The following RAD54L2 variants were observed in gnomAD, a reference collection of about 807,000 sequenced individuals.
RAD54L2 encodes the protein helicase ARIP4.
Under a neutral mutation model 138.4 loss-of-function variants are expected in RAD54L2, and 27 were observed. The ratio of observed to expected loss-of-function variants is 0.20; its 90% CI spans 0.14 to 0.27. The LOEUF (loss-of-function observed/expected upper bound fraction) is 0.27. Among genes scored for constraint, RAD54L2 ranks in the 10% least tolerant of loss-of-function variants. RAD54L2 has a pLI of 1.00. For synonymous variants in RAD54L2, 644 were observed against 723.2 expected (o/e 0.89, Z 1.76); for missense variants, 1,396 against 1,890.2 (o/e 0.74, Z 4.85).
intron 2 of RAD54L2, among the ~76,000 whole-genome samples, chr3:51,553,537 T>C (rs1577383997): frequency 6.6e-6 from 1 of 152,228 alleles, no homozygotes; most frequent in South Asian, 2.1e-4. Flanking sequence ...ATAAAAGTTA[T>C]GTGTACAGGC....
chr3:51,652,815 T>C (rs543906288), intron 19 of RAD54L2, among the ~76,000 whole-genome samples: 32 of 152,058 alleles, frequency 2.1e-4, no homozygotes, highest in Non-Finnish European at 2.8e-4. Context: ...AGACCTAAAA[T>C]CATAAAAACC....
intron 19 of RAD54L2, among the ~76,000 whole-genome samples, chr3:51,649,141 G>A (rs995027136): frequency 3.9e-5 from 6 of 151,964 alleles, no homozygotes; most frequent in Non-Finnish European, 7.4e-5. Flanking sequence ...CATGGCACGA[G>A]AACTACATGA....
chr3:51,635,306 C>T (rs1700958734), intron 9 of RAD54L2, among the ~76,000 whole-genome samples: 1 of 152,162 alleles, frequency 6.6e-6, no homozygotes, highest in Non-Finnish European at 1.5e-5. Context: ...AGGGGGTTGT[C>T]ATTTTCTCTT....
At chr3:51,544,353 G>C (rs1698632527) in intron 2 of RAD54L2, among the ~76,000 whole-genome samples, 1 of 152,226 alleles carries the variant, frequency 6.6e-6, no homozygotes, top group Admixed American at 6.6e-5. Context: ...TTTGTTGTGA[G>C]AATGTGTTGC....
At chr3:51,553,038 A>G (rs955054577) in intron 2 of RAD54L2, among the ~76,000 whole-genome samples, 1 of 151,854 alleles carries the variant, frequency 6.6e-6, no homozygotes, top group African/African-American at 2.4e-5. Context: ...ATTTGTGAGA[A>G]TTTTTTGACT....
Position 51,659,928 on chromosome 3 carries a change from A to G in RAD54L2, c.3317-98A>G, listed in dbSNP as rs535919923. The G allele has an allele frequency of 2.1e-5, 16 of 778,490 alleles. No individual in the cohort carries two copies. In the African/African-American group the frequency reaches 2.6e-4, roughly 13 times the overall value. The allele number at this position is 778,490 out of a possible 1,614,324, so 48.2% of individuals were successfully genotyped here. On this transcript the variant is annotated intron_variant, in intron 21 of 22. Transcript: ENST00000684192. Reference sequence around the variant, plus strand: ...CTTGGGAGATGGTATACCTAATTGTATAGCTATTTACAAGCCCACGGCGCA... The same window carrying G: ...CTTGGGAGATGGTATACCTAATTGTGTAGCTATTTACAAGCCCACGGCGCA...
intron 2 of RAD54L2, among the ~76,000 whole-genome samples, chr3:51,559,883 T>C (rs1008441355): frequency 1.3e-5 from 2 of 152,236 alleles, no homozygotes; most frequent in African/African-American, 4.8e-5. Context: ...CCAAATGGGC[T>C]ACAGATATGA....
chr3:51,553,032 G>A (rs534686659), intron 2 of RAD54L2, among the ~76,000 whole-genome samples: 61 of 152,140 alleles, frequency 4.0e-4, no homozygotes, highest in African/African-American at 1.4e-3. Flanking sequence ...TTGTTGATTT[G>A]TGAGAATTTT....
chr3:51,651,730 T>C (rs953572306), intron 19 of RAD54L2, among the ~76,000 whole-genome samples: 3 of 152,164 alleles, frequency 2.0e-5, no homozygotes, highest in African/African-American at 7.2e-5. Context: ...TCGACAAAAT[T>C]CAACAGCCCC....
intron 3 of RAD54L2, among the ~76,000 whole-genome samples, chr3:51,614,907 A>C (rs1700410997): frequency 6.6e-6 from 1 of 152,014 alleles, no homozygotes; most frequent in Non-Finnish European, 1.5e-5. Flanking sequence ...CAGGGTGTAA[A>C]TATGATGAGG....
In RAD54L2 at chr3:51,663,520, G is replaced by C. The variant is rs1230359570; in HGVS notation, c.*100G>C. 7.5e-7 allele frequency: 1 copy of C among 1,335,982 alleles called. No individual in the cohort carries two copies. Among genetic ancestry groups the C allele is most frequent in the African/African-American group, 1.5e-5 (1 of 67,704 alleles). 82.8% of individuals were successfully genotyped at this position (1,335,982 alleles called of 1,614,324 possible). A position where few individuals can be genotyped will look rare whatever the true frequency, so the allele number is the denominator to read the frequency against. ...CTTTTGAGAATAGGACACTTGGCAGGAGGGAAAAGGAAGAGGACAAAGGAG... is the reference window on the plus strand; with the variant it reads ...CTTTTGAGAATAGGACACTTGGCAGCAGGGAAAAGGAAGAGGACAAAGGAG... On this transcript the variant is annotated 3_prime_UTR_variant, in exon 23 of 23. Transcript: ENST00000684192.
At chr3:51,543,259 G>T (rs1437169538) in intron 2 of RAD54L2, among the ~76,000 whole-genome samples, 2 of 151,924 alleles carry the variant, frequency 1.3e-5, no homozygotes, top group Admixed American at 6.6e-5. Context: ...CTAATTTCTT[G>T]CAGTCTTGCT....
intron 2 of RAD54L2, among the ~76,000 whole-genome samples, chr3:51,588,532 C>T (rs1422371401): frequency 1.0e-5 from 1 of 96,682 alleles, no homozygotes; most frequent in Non-Finnish European, 1.9e-5. Flanking sequence ...GAAACTGCAT[C>T]TCAAAAAAAA....
At chr3:51,643,996 A>C in intron 16 of RAD54L2, 22 bp downstream of exon 16, 1 of 1,559,738 alleles carries the variant, frequency 6.4e-7, no homozygotes, top group Non-Finnish European at 8.7e-7. Flanking sequence ...CCAAGAGGGG[A>C]GGTCAAAGGA....
rs1317953639 is a variant in RAD54L2 at position 51,668,353 on chromosome 3, C to G, written c.*4933C>G. On this transcript the variant is annotated 3_prime_UTR_variant, in exon 23 of 23. Transcript: ENST00000684192. ...TAATGAGGTGGCCCCAGGGTCCTGG[C>G]ACCTGGCTTTGGTTTTCCGTCTTCT... is the stretch of plus-strand genomic sequence containing the variant. 1.3e-5 allele frequency: 2 copies of G among 152,218 alleles called. No individual in the cohort carries two copies. The highest frequency in any genetic ancestry group is 4.8e-5 in the African/African-American group (2 of 41,424). 9.4% of individuals were successfully genotyped at this position (152,218 alleles called of 1,614,324 possible). A position where few individuals can be genotyped will look rare whatever the true frequency, so the allele number is the denominator to read the frequency against.
intron 2 of RAD54L2, among the ~76,000 whole-genome samples, chr3:51,583,512 C>T (rs1005619342): frequency 2.6e-5 from 4 of 151,850 alleles, no homozygotes; most frequent in East Asian, 1.9e-4. Flanking sequence ...CTCCACCTCC[C>T]GGGTTCAAGC....
At chr3:51,573,042 C>T (rs982539271) in intron 2 of RAD54L2, among the ~76,000 whole-genome samples, 5 of 151,988 alleles carry the variant, frequency 3.3e-5, no homozygotes, top group African/African-American at 2.4e-5. Context: ...AAAATGTCGG[C>T]ACAGGTTAGA....
intron 20 of RAD54L2, 28 bp from the exon 21 acceptor site, chr3:51,657,552 C>A: frequency 1.4e-6 from 2 of 1,460,864 alleles, no homozygotes; most frequent in Non-Finnish European, 1.9e-6. Flanking sequence ...CCCGTGCAAT[C>A]TAAATTTAAG....
intron 3 of RAD54L2, 26 bp from the exon 4 acceptor site, chr3:51,627,527 C>T: frequency 1.3e-6 from 2 of 1,546,180 alleles, no homozygotes; most frequent in Non-Finnish European, 1.7e-6. Flanking sequence ...CCCTATAAAG[C>T]AATGTCTTTC....
Sources: gnomAD v4.1 joint callset for allele counts (sites outside exome capture counted in the v4.1 genomes callset) on GRCh38, gnomAD v4.1.1 for gene constraint, MANE v1.5 for transcripts, NCBI Gene and HGNC (gene_info 2026-07-23, HGNC 2026-07-21) for gene names.